ZEB2: variants seen among roughly 807,000 people sequenced by gnomAD.
ZEB2 encodes zinc finger E-box binding homeobox 2, also known as zinc finger E-box-binding homeobox 2.
A neutral mutation model predicts 99.9 loss-of-function variants in ZEB2; 6 were observed. The observed-to-expected ratio is 0.06, with a 90% CI of 0.03 to 0.12. The LOEUF (loss-of-function observed/expected upper bound fraction) is 0.12, where lower values mean the gene tolerates loss of function less well. ZEB2 is among the 10% of genes least tolerant of loss of function. ZEB2 has a pLI of 1.00. For missense variants in ZEB2, 969 were observed against 1,502.8 expected, an observed-to-expected ratio of 0.64 and a Z score of 5.87; for synonymous variants, 517 against 542.5, an observed-to-expected ratio of 0.95 and a Z score of 0.65.
At chr2:144,512,716 G>A (rs1286671872) in intron 2 of ZEB2, 4 of 1,287,064 alleles carry the variant, frequency 3.1e-6, no homozygotes, top group Non-Finnish European at 4.0e-6. Context: ...AGGAAAGCAT[G>A]TTTCTACCCC....
At chr2:144,452,035 C>G (rs189389835) in intron 2 of ZEB2, among the ~76,000 whole-genome samples, 180 of 152,294 alleles carry the variant, frequency 1.2e-3, no homozygotes, top group Middle Eastern at 3.4e-3. Context: ...CACCTCTCAG[C>G]AAACCCCCCT....
intron 2 of ZEB2, among the ~76,000 whole-genome samples, chr2:144,468,355 C>T (rs1704302445): frequency 6.6e-6 from 1 of 152,100 alleles, no homozygotes; most frequent in South Asian, 2.1e-4. Context: ...TTGATAAAAC[C>T]ATTTCATCTT....
intron 3 of ZEB2, among the ~76,000 whole-genome samples, chr2:144,425,580 G>A (rs575377531): frequency 1.3e-5 from 2 of 152,120 alleles, no homozygotes; most frequent in Non-Finnish European, 2.9e-5. Flanking sequence ...TTCTGATGAA[G>A]GTGAATATAT....
At chr2:144,404,397 G>C (rs1703355143) in intron 5 of ZEB2, among the ~76,000 whole-genome samples, 1 of 150,822 alleles carries the variant, frequency 6.6e-6, no homozygotes, top group Admixed American at 6.6e-5. Context: ...TTAAACAGCT[G>C]ATAAATGAGG....
Position 144,398,287 on chromosome 2 carries a change from A to G in ZEB2, c.2886+14T>C, listed in dbSNP as rs587780995. The G allele has an allele frequency of 6.4e-5, 104 of 1,612,732 alleles. No individual in the cohort carries two copies. Among genetic ancestry groups the G allele is most frequent in the Non-Finnish European group, 8.5e-5 (100 of 1,179,762 alleles). Reference sequence around the variant, plus strand: ...CCTCTTTTCTTCATAGCAGAAAAACATTTGTCTCTTTACCTGAAATCCTTG... The same window carrying G: ...CCTCTTTTCTTCATAGCAGAAAAACGTTTGTCTCTTTACCTGAAATCCTTG... On this transcript the variant is annotated intron_variant, in intron 8 of 9. Coordinates refer to ENST00000627532, the MANE Select transcript of ZEB2 (RefSeq NM_014795.4).
intron 2 of ZEB2, among the ~76,000 whole-genome samples, chr2:144,444,666 T>C (rs1703960412): frequency 6.6e-6 from 1 of 152,244 alleles, no homozygotes; most frequent in African/African-American, 2.4e-5. Flanking sequence ...TGTATCCTTG[T>C]CACCTGAATA....
At chr2:144,438,907 C>A (rs563872775) in intron 2 of ZEB2, among the ~76,000 whole-genome samples, 1 of 152,156 alleles carries the variant, frequency 6.6e-6, no homozygotes, top group South Asian at 2.1e-4. Flanking sequence ...ATTGACAAAA[C>A]CAGACAACGG....
At chr2:144,422,328 C>A (rs1437034945) in intron 4 of ZEB2, among the ~76,000 whole-genome samples, 1 of 152,216 alleles carries the variant, frequency 6.6e-6, no homozygotes, top group Non-Finnish European at 1.5e-5. Context: ...ACCCTTTACT[C>A]ACTATCCTCT....
rs1292265232 is a variant in ZEB2 at position 144,387,238 on chromosome 2, CTTT to C, written c.*2210_*2212del. 1 of 151,898 alleles carries C rather than the reference CTTT, an allele frequency of 6.6e-6. No homozygotes were observed. The allele number at this position is 151,898 out of a possible 1,614,324, so 9.4% of individuals were successfully genotyped here. On this transcript the variant is annotated 3_prime_UTR_variant, in exon 10 of 10. Transcript: ENST00000627532. ...TTAATAGCAAAATGATGCTTTTCTT[CTTT>C]GATTCTAAAGTAGAAAAAATACATG...
chr2:144,393,815 A>G (rs1703184764), intron 9 of ZEB2, among the ~76,000 whole-genome samples: 1 of 152,252 alleles, frequency 6.6e-6, no homozygotes, highest in Non-Finnish European at 1.5e-5. Flanking sequence ...CAACCATTGA[A>G]TGATTAGCAT....
chr2:144,483,265 T>C (rs1704545811), intron 2 of ZEB2, among the ~76,000 whole-genome samples: 1 of 151,976 alleles, frequency 6.6e-6, no homozygotes, highest in African/African-American at 2.4e-5. Flanking sequence ...ATTAAGCAAG[T>C]AATAGGTCAA....
At chr2:144,505,861 G>A (rs1704945778) in intron 2 of ZEB2, among the ~76,000 whole-genome samples, 1 of 152,122 alleles carries the variant, frequency 6.6e-6, no homozygotes, top group Non-Finnish European at 1.5e-5. Flanking sequence ...TAAGTGTTCG[G>A]TATGGTTTTA....
At chr2:144,414,603 T>C (rs1174441830) in intron 4 of ZEB2, among the ~76,000 whole-genome samples, 1 of 152,180 alleles carries the variant, frequency 6.6e-6, no homozygotes, top group Non-Finnish European at 1.5e-5. Context: ...TCTAGCCTGA[T>C]TTCCTCATTT....
chr2:144,501,481 T>G (rs1268975534), intron 2 of ZEB2, among the ~76,000 whole-genome samples: 1 of 152,218 alleles, frequency 6.6e-6, no homozygotes, highest in South Asian at 2.1e-4. Context: ...GAACAGTTCA[T>G]TAAAAGGTGA....
At chr2:144,396,083 A>G (rs1703226057) in intron 9 of ZEB2, among the ~76,000 whole-genome samples, 1 of 152,158 alleles carries the variant, frequency 6.6e-6, no homozygotes, top group Non-Finnish European at 1.5e-5. Context: ...TTAAGCTTTG[A>G]AACTTAAGAA....
intron 2 of ZEB2, among the ~76,000 whole-genome samples, chr2:144,469,976 C>A (rs1704333126): frequency 6.6e-6 from 1 of 152,158 alleles, no homozygotes; most frequent in African/African-American, 2.4e-5. Context: ...ATACAGAGAC[C>A]AAACCCTCTG....
Position 144,399,704 on chromosome 2 carries a change from A to G in ZEB2, c.1483T>C (p.Cys495Arg). The G allele has an allele frequency of 6.2e-7, 1 of 1,614,200 alleles. No homozygotes were observed. The highest frequency in any genetic ancestry group is 8.5e-7 in the Non-Finnish European group (1 of 1,180,014). Residue 495 changes from cysteine to arginine, a missense_variant, in exon 8 of 10, where the codon TGC (cysteine) becomes CGC (arginine). By Grantham distance (180) the Cys-to-Arg change is radical. This residue lies in a region of ZEB2 where 227 missense variants were observed against 278.2 expected (regional missense o/e 0.82). Transcript: ENST00000627532. This position sits in a 1 kb window ranked among gnomAD's most constrained non-coding sequence, Gnocchi z 5.6. ...KLKGYHMKDP[C>R]SQPEEQGVTS... is the part of the protein sequence containing the mutation. ...ACTCCTTGTTCCTCAGGTTGAGAGC[A>G]TGGATCCTTCATGTGATAACCTTTC...
At chr2:144,504,906 T>C (rs1281650268) in intron 2 of ZEB2, among the ~76,000 whole-genome samples, 1 of 152,206 alleles carries the variant, frequency 6.6e-6, no homozygotes, top group South Asian at 2.1e-4. Context: ...TGCTGTCTTA[T>C]GATAAGTGTT....
intron 2 of ZEB2, chr2:144,513,333 A>T: frequency 9.2e-6 from 12 of 1,302,748 alleles, no homozygotes; most frequent in Non-Finnish European, 1.2e-5. Flanking sequence ...ATTCAACTTG[A>T]TCCCTGTTCT....
Sources: allele counts gnomAD v4.1 joint callset (sites outside exome capture counted in the v4.1 genomes callset), GRCh38; gene constraint gnomAD v4.1.1; regional missense constraint gnomAD v4.1.1; non-coding constraint Gnocchi (gnomAD v3.1); transcripts MANE v1.5; gene names NCBI Gene and HGNC (gene_info 2026-07-23, HGNC 2026-07-21).